Variants in FSTL4 observed in about 807,000 individuals in gnomAD.
FSTL4 encodes the protein follistatin-related protein 4.
Under a neutral mutation model 78.2 loss-of-function variants are expected in FSTL4, and 28 were observed. The ratio of observed to expected loss-of-function variants is 0.36; its 90% CI spans 0.27 to 0.49. FSTL4 has a LOEUF of 0.49. Ranked by LOEUF, FSTL4 falls within the 20% of genes least tolerant of loss-of-function variation. The pLI, the probability that FSTL4 is intolerant of heterozygous loss-of-function variation, is 0.98. For missense variants in FSTL4, 922 were observed against 1,084.9 expected, an observed-to-expected ratio of 0.85 and a Z score of 2.11; for synonymous variants, 422 against 440.5, an observed-to-expected ratio of 0.96 and a Z score of 0.53.
At chr5:133,752,064 G>A in the FSTL4 span, among the ~76,000 whole-genome samples, 8 of 152,222 alleles carry the variant, frequency 5.3e-5, no homozygotes, top group African/African-American at 1.9e-4. Context: ...TGGAGATGCT[G>A]TCCACCTGAG....
chr5:133,248,832 C>T (rs1752124697), intron 7 of FSTL4: 1 of 156,384 alleles, frequency 6.4e-6, no homozygotes, highest in Non-Finnish European at 1.4e-5. Flanking sequence ...TGAACGTCCC[C>T]AAGGTGGGTC....
Position 133,199,321 on chromosome 5 carries a change from G to A in FSTL4, c.2303C>T (p.Thr768Met), listed in dbSNP as rs1452356941. Residue 768 changes from threonine (T) to methionine (M), a missense_variant, in exon 16 of 16, where the codon ACG (threonine) becomes ATG (methionine). By Grantham distance (81) the Thr-to-Met change is moderately conservative. Coordinates refer to ENST00000265342, the MANE Select transcript of FSTL4 (RefSeq NM_015082.2). The surrounding 1 kb of genome is among the most constrained non-coding windows in gnomAD (Gnocchi z 4.4). ...GTTCTTCAGCATGCCCACCTTCCCC[G>A]TGGACAGCTCCAGGAACAGCAGGTC... ...EPDLLFLELS[T>M]GKVGMLKNLK... 38 of 1,613,924 alleles carry A rather than the reference G, an allele frequency of 2.4e-5. No homozygotes were observed. Among genetic ancestry groups the A allele is most frequent in the Non-Finnish European group, 2.9e-5 (34 of 1,179,948 alleles).
At chr5:133,412,614 G>A (rs924170329) in intron 3 of FSTL4, among the ~76,000 whole-genome samples, 7 of 151,986 alleles carry the variant, frequency 4.6e-5, no homozygotes, top group East Asian at 1.9e-4. Flanking sequence ...TACAACAAAC[G>A]GATGAATCCA....
chr5:133,566,427 G>A (rs1580793518), intron 3 of FSTL4, among the ~76,000 whole-genome samples: 1 of 152,238 alleles, frequency 6.6e-6, no homozygotes, highest in South Asian at 2.1e-4. Flanking sequence ...AGAAGGATGT[G>A]GTGAAGGGTA....
Position 133,199,947 on chromosome 5 carries a change from G to A in FSTL4, c.1827-150C>T. The A allele has an allele frequency of 1.7e-6, 1 of 596,348 alleles. No individual in the cohort carries two copies. The highest frequency in any genetic ancestry group is 2.8e-5 in the East Asian group (1 of 36,086). 36.9% of individuals were successfully genotyped at this position (596,348 alleles called of 1,614,324 possible). A position where few individuals can be genotyped will look rare whatever the true frequency, so the allele number is the denominator to read the frequency against. The stretch of plus-strand genomic sequence containing the variant: ...TAATAAGATCTATCATTCTGCAGGG[G>A]ATGTCTTCATAAACAAATAATCTAT... On this transcript the variant is annotated intron_variant, in intron 15 of 15. Coordinates refer to ENST00000265342, the MANE Select transcript of FSTL4 (RefSeq NM_015082.2). This position sits in a 1 kb window ranked among gnomAD's most constrained non-coding sequence, Gnocchi z 4.4.
chr5:133,428,426 C>T (rs557652292), intron 3 of FSTL4, among the ~76,000 whole-genome samples: 29 of 152,236 alleles, frequency 1.9e-4, no homozygotes, highest in African/African-American at 6.5e-4. Flanking sequence ...CAGGGCCTTG[C>T]TTGACATGCT....
chr5:133,437,364 G>A (rs545309895), intron 3 of FSTL4, among the ~76,000 whole-genome samples: 7 of 152,050 alleles, frequency 4.6e-5, no homozygotes, highest in Non-Finnish European at 8.8e-5. Context: ...GGTAGCTTGA[G>A]AAGGTAATAT....
At chr5:133,527,608 T>A (rs1464103244) in intron 3 of FSTL4, among the ~76,000 whole-genome samples, 1 of 152,168 alleles carries the variant, frequency 6.6e-6, no homozygotes, top group Non-Finnish European at 1.5e-5. Context: ...CCTGAACTGA[T>A]CCTATAAGAA....
At chr5:133,628,945 C>G in the FSTL4 span, among the ~76,000 whole-genome samples, 1 of 117,948 alleles carries the variant, frequency 8.5e-6, no homozygotes, top group African/African-American at 3.3e-5. Context: ...TTGACTTCCT[C>G]TCTTCCTATT....
At chr5:133,237,498 G>A (rs1486930431) in intron 7 of FSTL4, among the ~76,000 whole-genome samples, 1 of 152,150 alleles carries the variant, frequency 6.6e-6, no homozygotes, top group Non-Finnish European at 1.5e-5. Flanking sequence ...GACTTGAGGG[G>A]CTCCTGGGTG....
At chr5:133,640,073 C>T in the FSTL4 span, among the ~76,000 whole-genome samples, 3 of 152,330 alleles carry the variant, frequency 2.0e-5, no homozygotes, top group South Asian at 4.1e-4. Context: ...GGTGCAATGA[C>T]AGAGGAGCCT....
At chr5:133,474,735 C>G (rs1364179718) in intron 3 of FSTL4, among the ~76,000 whole-genome samples, 1 of 152,250 alleles carries the variant, frequency 6.6e-6, no homozygotes, top group Non-Finnish European at 1.5e-5. Context: ...GTGGAAAGGA[C>G]TGGCTCACCA....
the FSTL4 span, among the ~76,000 whole-genome samples, chr5:133,619,196 C>G: frequency 6.6e-6 from 1 of 152,054 alleles, no homozygotes. Context: ...CCTCTTGATA[C>G]TTTCATTAAG....
chr5:133,467,523 G>T (rs1420992541), intron 3 of FSTL4, among the ~76,000 whole-genome samples: 1 of 152,178 alleles, frequency 6.6e-6, no homozygotes, highest in Non-Finnish European at 1.5e-5. Context: ...CCCCTACTGC[G>T]ACTGAAAGGA....
intron 3 of FSTL4, among the ~76,000 whole-genome samples, chr5:133,543,018 T>TA (rs1422197745): frequency 1.3e-5 from 2 of 152,070 alleles, no homozygotes; most frequent in African/African-American, 4.8e-5. Context: ...ACTCTTTTCC[T>TA]AACATTGTGA....
intron 3 of FSTL4, among the ~76,000 whole-genome samples, chr5:133,409,775 G>A (rs556451134): frequency 3.6e-4 from 55 of 152,328 alleles, no homozygotes; most frequent in African/African-American, 1.3e-3. Flanking sequence ...ATAGAGAGCT[G>A]AGTAATCCAT....
intron 3 of FSTL4, among the ~76,000 whole-genome samples, chr5:133,420,396 A>C (rs1756667368): frequency 6.6e-6 from 1 of 152,224 alleles, no homozygotes; most frequent in South Asian, 2.1e-4. Flanking sequence ...TTTTAAAATA[A>C]TTCATATTCA....
At chr5:133,318,639 T>C (rs1753968282) in intron 4 of FSTL4, among the ~76,000 whole-genome samples, 1 of 152,042 alleles carries the variant, frequency 6.6e-6, no homozygotes, top group African/African-American at 2.4e-5. Context: ...TACTGAAAAA[T>C]TGATGTACAC....
the FSTL4 span, among the ~76,000 whole-genome samples, chr5:133,796,190 G>A: frequency 3.3e-5 from 5 of 152,342 alleles, no homozygotes; most frequent in East Asian, 5.8e-4. Flanking sequence ...CAGGACATGC[G>A]ACAGGGGTGT....
Sources: gnomAD v4.1 joint callset for allele counts (sites outside exome capture counted in the v4.1 genomes callset) on GRCh38, gnomAD v4.1.1 for gene constraint, Gnocchi (gnomAD v3.1) non-coding constraint, MANE v1.5 for transcripts, NCBI Gene and HGNC (gene_info 2026-07-23, HGNC 2026-07-21) for gene names.